ME2: variants seen among roughly 807,000 people sequenced by gnomAD.
ME2 encodes malic enzyme 2.
Under a neutral mutation model 73.7 loss-of-function variants are expected in ME2, and 60 were observed. The observed-to-expected ratio is 0.81, with a 90% confidence interval of 0.66 to 1.01. The LOEUF (loss-of-function observed/expected upper bound fraction) is 1.01, where lower values mean the gene tolerates loss of function less well. Ranked by LOEUF, ME2 falls within the 50% of genes least tolerant of loss-of-function variation. The probability of loss-of-function intolerance (pLI) is 0.00; values close to 1 mark genes in which losing one functional copy is unlikely to be tolerated. For missense variants in ME2, 594 were observed against 705.5 expected (o/e 0.84, Z 1.79); for synonymous variants, 199 against 236.9 (o/e 0.84, Z 1.47).
intron 2 of ME2, among the ~76,000 whole-genome samples, chr18:50,906,341 A>T (rs986204578): frequency 3.3e-5 from 5 of 151,864 alleles, no homozygotes; most frequent in African/African-American, 1.2e-4. Context: ...GAGATGGAGT[A>T]TTGCTCTTTT....
intron 2 of ME2, among the ~76,000 whole-genome samples, chr18:50,905,576 T>G (rs1019933647): frequency 1.3e-5 from 2 of 152,206 alleles, no homozygotes; most frequent in Admixed American, 1.3e-4. Context: ...TTTGTACATT[T>G]TAGAGACACA....
At chr18:50,932,581 A>G (rs1035084864) in intron 13 of ME2, 4 of 355,156 alleles carry the variant, frequency 1.1e-5, no homozygotes, top group South Asian at 1.1e-4. Flanking sequence ...TAGAAATAAT[A>G]TATTGCATGA....
At position 50,920,898 on chromosome 18, in the gene ME2, C is replaced by T. The variant is rs182632712; in HGVS notation, c.942+140C>T. Reference sequence around the variant, plus strand: ...AGAGGATATGAAATCAAGAGTTCTGCTGTAAAACATGTAATTTAAAATATG... The same window carrying T: ...AGAGGATATGAAATCAAGAGTTCTGTTGTAAAACATGTAATTTAAAATATG... On this transcript the variant is annotated intron_variant, in intron 9 of 15. Coordinates refer to ENST00000321341, the MANE Select transcript of ME2 (RefSeq NM_002396.5). 5.8e-4 allele frequency: 424 copies of T among 737,256 alleles called. 1 individual carries two copies. In the African/African-American group the frequency reaches 6.8e-3, roughly 12 times the overall value. 45.7% of individuals were successfully genotyped at this position (737,256 alleles called of 1,614,324 possible). A position where few individuals can be genotyped will look rare whatever the true frequency, so the allele number is the denominator to read the frequency against.
chr18:50,929,738 C>T (rs1014827025), intron 12 of ME2, among the ~76,000 whole-genome samples: 1 of 152,038 alleles, frequency 6.6e-6, no homozygotes, highest in African/African-American at 2.4e-5. Flanking sequence ...GATTGCCTGT[C>T]CTCTTCACCA....
At chr18:50,929,352 G>T (rs1256137128) in intron 12 of ME2, among the ~76,000 whole-genome samples, 1 of 151,594 alleles carries the variant, frequency 6.6e-6, no homozygotes, top group Non-Finnish European at 1.5e-5. Context: ...AGCCAGGTGT[G>T]GTGGCTCACA....
chr18:50,920,694 C>T lies in ME2; in HGVS notation c.878C>T (p.Ala293Val). 1.2e-6 allele frequency: 2 copies of T among 1,612,196 alleles called. No homozygotes were observed. The highest frequency in any genetic ancestry group is 1.7e-6 in the Non-Finnish European group (2 of 1,179,658). ...GCAGTAGCTCTAGCAGGTCTTCTTGCAGCACAAAAAGTTATTAGTAAACCA... is the reference window on the plus strand; with the variant it reads ...GCAGTAGCTCTAGCAGGTCTTCTTGTAGCACAAAAAGTTATTAGTAAACCA... Reference protein sequence around the residue: ...TAAVALAGLLAAQKVISKPIS... With the variant: ...TAAVALAGLLVAQKVISKPIS... The change falls in exon 9 of 16, where the codon GCA becomes GTA. Residue 293 changes from alanine (A) to valine (V), a missense_variant. By Grantham distance (64) the Ala-to-Val change is moderately conservative. Coordinates refer to ENST00000321341, the MANE Select transcript of ME2 (RefSeq NM_002396.5).
chr18:50,914,056 A>T (rs1917229453), intron 4 of ME2, among the ~76,000 whole-genome samples: 1 of 152,146 alleles, frequency 6.6e-6, no homozygotes, highest in Admixed American at 6.5e-5. Context: ...AATGTGTGTA[A>T]GAAATACCTG....
At chr18:50,936,741 C>T (rs925497937) in intron 13 of ME2, among the ~76,000 whole-genome samples, 1 of 151,992 alleles carries the variant, frequency 6.6e-6, no homozygotes, top group Non-Finnish European at 1.5e-5. Context: ...GCCCTGGCAA[C>T]ATAGGGAGAC....
chr18:50,908,070 C>T lies in ME2; in HGVS notation c.116C>T (p.Ala39Val). 6.4e-7 allele frequency: 1 copy of T among 1,570,100 alleles called. No individual in the cohort carries two copies. Among genetic ancestry groups the T allele is most frequent in the Non-Finnish European group, 8.6e-7 (1 of 1,158,844 alleles). The change falls in exon 3 of 16, where the codon GCA (alanine) becomes GTA (valine). Residue 39 changes from alanine (A) to valine (V), a missense_variant. Physicochemically the swap from Ala to Val is moderately conservative, Grantham distance 64. Coordinates refer to ENST00000321341, the MANE Select transcript of ME2 (RefSeq NM_002396.5). ...MLNPRTNKGM[A>V]FTLQERQMLG... ...TTTATTTCTCCTCTTTAGGGAATGG[C>T]ATTTACTTTACAAGAACGACAAATG...
intron 7 of ME2, 61 bp downstream of exon 7, chr18:50,918,274 C>T: frequency 3.6e-6 from 4 of 1,099,742 alleles, no homozygotes; most frequent in Non-Finnish European, 5.4e-6. Context: ...GGGTAAGAAC[C>T]AAAGTTTTGT....
At chr18:50,887,317 A>G (rs941421780) in intron 1 of ME2, among the ~76,000 whole-genome samples, 1 of 152,208 alleles carries the variant, frequency 6.6e-6, no homozygotes, top group African/African-American at 2.4e-5. Flanking sequence ...TGCAGGAGTG[A>G]AGAAAGAACC....
chr18:50,911,009 T>TG (rs1413003594), intron 3 of ME2, among the ~76,000 whole-genome samples: 2 of 152,034 alleles, frequency 1.3e-5, no homozygotes, highest in African/African-American at 4.8e-5. Context: ...GATCCAAGAG[T>TG]GGATAAGGGC....
intron 3 of ME2, among the ~76,000 whole-genome samples, chr18:50,908,960 T>C (rs1468876916): frequency 7.6e-6 from 1 of 132,340 alleles, no homozygotes; most frequent in Non-Finnish European, 1.6e-5. Flanking sequence ...TCTTTTCTTT[T>C]TTTTTTTTTT....
At chr18:50,910,290 A>AAAAAAC in intron 3 of ME2, among the ~76,000 whole-genome samples, 1 of 150,026 alleles carries the variant, frequency 6.7e-6, no homozygotes, top group Non-Finnish European at 1.5e-5. Context: ...AAAAAAAAAA[A>AAAAAAC]AAGCCAGGCA....
intron 9 of ME2, 127 bp from the exon 10 acceptor site, chr18:50,920,947 T>G (rs950219491): frequency 2.8e-6 from 2 of 703,850 alleles, no homozygotes; most frequent in South Asian, 4.6e-5. Context: ...TCACGAAGAA[T>G]TTTTGTTTGA....
chr18:50,931,933 T>G (rs1917699784), intron 12 of ME2, among the ~76,000 whole-genome samples: 1 of 152,220 alleles, frequency 6.6e-6, no homozygotes, highest in South Asian at 2.1e-4. Context: ...TCTGCCCACC[T>G]TGGCCTCCCA....
intron 15 of ME2, among the ~76,000 whole-genome samples, chr18:50,941,153 C>G (rs932490763): frequency 1.3e-5 from 2 of 149,720 alleles, no homozygotes; most frequent in South Asian, 2.1e-4. Context: ...CCCAGCTACT[C>G]TGGAGGCTGA....
intron 1 of ME2, among the ~76,000 whole-genome samples, chr18:50,880,410 T>C (rs1379855575): frequency 6.6e-6 from 1 of 152,250 alleles, no homozygotes; most frequent in African/African-American, 2.4e-5. Context: ...GTTGTTAAGC[T>C]AATTGCGATG....
chr18:50,924,248 C>G (rs750197667), intron 11 of ME2, 36 bp downstream of exon 11: 2 of 1,375,160 alleles, frequency 1.5e-6, no homozygotes, highest in South Asian at 2.5e-5. Context: ...ATTTTACTCC[C>G]TAACTGTATG....
Sources: allele counts gnomAD v4.1 joint callset (sites outside exome capture counted in the v4.1 genomes callset), GRCh38; gene constraint gnomAD v4.1.1; transcripts MANE v1.5; gene names NCBI Gene and HGNC (gene_info 2026-07-23, HGNC 2026-07-21).